WSB2: variants seen among roughly 807,000 people sequenced by gnomAD.
WSB2 encodes WD repeat and SOCS box-containing protein 2.
Under a neutral mutation model 48.8 loss-of-function variants are expected in WSB2, and 12 were observed. The ratio of observed to expected loss-of-function variants is 0.25; its 90% confidence interval spans 0.16 to 0.40. The LOEUF (loss-of-function observed/expected upper bound fraction) is 0.40. WSB2 is among the 10% of genes least tolerant of loss of function. WSB2 has a pLI of 1.00. For missense variants in WSB2, 317 were observed against 506.2 expected, an observed-to-expected ratio of 0.63 and a Z score of 3.59; for synonymous variants, 191 against 203.1, an observed-to-expected ratio of 0.94 and a Z score of 0.51.
intron 2 of WSB2, among the ~76,000 whole-genome samples, chr12:118,044,119 CA>C (rs879791083): frequency 2.7e-4 from 39 of 143,438 alleles, no homozygotes; most frequent in Middle Eastern, 3.5e-3. Context: ...AACTCTATCT[CA>C]AAAAAAAAAA....
intron 2 of WSB2, among the ~76,000 whole-genome samples, chr12:118,043,843 G>A (rs140958597): frequency 4.7e-4 from 71 of 152,134 alleles, no homozygotes; most frequent in African/African-American, 1.6e-3. Context: ...TAGGCCAGGC[G>A]TGGTGGCTCA....
At position 118,051,639 on chromosome 12, in the gene WSB2, C is replaced by T. The variant is rs12582327; in HGVS notation, c.182+671G>A. Among the ~76,000 whole-genome samples the T allele has an allele frequency of 2.6e-4, 40 of 152,168 alleles. No individual in the cohort carries two copies. The East Asian group carries it at 7.1e-3, about 27-fold the overall frequency. ...GTTGGGGGATCTAAATTAAGGGGTACAGGGTTTCTTTCTGAGGAAATAAAG... is the reference window on the plus strand; with the variant it reads ...GTTGGGGGATCTAAATTAAGGGGTATAGGGTTTCTTTCTGAGGAAATAAAG... On this transcript the variant is annotated intron_variant, in intron 2 of 8. Coordinates refer to ENST00000315436, the MANE Select transcript of WSB2 (RefSeq NM_018639.5).
At position 118,060,282 on chromosome 12, in the gene WSB2, T is replaced by G. The variant is rs75356056; in HGVS notation, c.13+754A>C. ...GGGCTGGCTTGAGGTATATCCAATA[T>G]CCTCTGACTTCCACGCTGTCTTCTG... On this transcript the variant is annotated intron_variant, in intron 1 of 8. Coordinates refer to ENST00000315436, the MANE Select transcript of WSB2 (RefSeq NM_018639.5). The surrounding 1 kb of genome is among the most constrained non-coding windows in gnomAD (Gnocchi z 4.1). 0.13 allele frequency among the ~76,000 whole-genome samples: 19,512 copies of G among 152,050 alleles called. 1,536 individuals are homozygous for G. Among genetic ancestry groups the G allele is most frequent in the South Asian group, 0.17 (823 of 4,796 alleles).
chr12:118,047,279 T>C (rs549397267), intron 2 of WSB2, among the ~76,000 whole-genome samples: 25 of 152,302 alleles, frequency 1.6e-4, no homozygotes, highest in African/African-American at 6.0e-4. Context: ...CCTGGCCTAA[T>C]GCTCAACAAA....
intron 1 of WSB2, among the ~76,000 whole-genome samples, chr12:118,053,034 G>T (rs929995948): frequency 2.6e-5 from 4 of 152,008 alleles, no homozygotes; most frequent in African/African-American, 9.7e-5. Flanking sequence ...CTCTGTCTGG[G>T]GTTAAACCTT....
intron 1 of WSB2, among the ~76,000 whole-genome samples, chr12:118,059,773 A>T (rs544350322): frequency 2.0e-5 from 3 of 152,234 alleles, no homozygotes; most frequent in Admixed American, 6.5e-5. Flanking sequence ...TTTTAAAAAG[A>T]ATTCTACGGG....
intron 2 of WSB2, among the ~76,000 whole-genome samples, chr12:118,049,462 C>A (rs957328381): frequency 6.6e-6 from 1 of 151,590 alleles, no homozygotes; most frequent in African/African-American, 2.4e-5. Flanking sequence ...AGTGCAGTGG[C>A]GCGATCTCAG....
rs996490782 is a variant in WSB2 at position 118,060,671 on chromosome 12, G to C, written c.13+365C>G. Among the ~76,000 whole-genome samples the C allele has an allele frequency of 1.5e-4, 23 of 152,138 alleles. No homozygotes were observed. Among genetic ancestry groups the C allele is most frequent in the African/African-American group, 5.5e-4 (23 of 41,546 alleles). On this transcript the variant is annotated intron_variant, in intron 1 of 8. Coordinates refer to ENST00000315436, the MANE Select transcript of WSB2 (RefSeq NM_018639.5). This position sits in a 1 kb window ranked among gnomAD's most constrained non-coding sequence, Gnocchi z 4.1. ...ATGCAAGTGCGTCCCCTGGCACCTG[G>C]GTACCCAGGGGCACCCACCCCCTTG...
chr12:118,055,867 G>A (rs928133212), intron 1 of WSB2, among the ~76,000 whole-genome samples: 1 of 150,334 alleles, frequency 6.7e-6, no homozygotes, highest in Non-Finnish European at 1.5e-5. Context: ...CGCCCACCTC[G>A]GACTCCCAAA....
chr12:118,052,582 A>G, intron 1 of WSB2, 104 bp from the exon 2 acceptor site: 1 of 1,533,052 alleles, frequency 6.5e-7, no homozygotes, highest in Non-Finnish European at 8.8e-7. Context: ...CACACTATCC[A>G]TTCCCAGAGG....
At chr12:118,055,318 G>C (rs1642682488) in intron 1 of WSB2, among the ~76,000 whole-genome samples, 1 of 152,242 alleles carries the variant, frequency 6.6e-6, no homozygotes, top group East Asian at 1.9e-4. Flanking sequence ...ACAGCGCACA[G>C]GACAGCCCCC....
At chr12:118,038,416 G>A (rs1187691814) in intron 4 of WSB2, 28 bp from the exon 5 acceptor site, 80 of 1,605,944 alleles carry the variant, frequency 5.0e-5, no homozygotes, top group Non-Finnish European at 6.6e-5. Flanking sequence ...CAAACAATGA[G>A]CCAGTCCTCA....
intron 1 of WSB2, among the ~76,000 whole-genome samples, chr12:118,053,980 T>C (rs2031902594): frequency 6.6e-6 from 1 of 152,098 alleles, no homozygotes; most frequent in Non-Finnish European, 1.5e-5. Context: ...CATAGTTAAA[T>C]AGGTAGTATT....
chr12:118,051,519 C>A (rs908941466), intron 2 of WSB2, among the ~76,000 whole-genome samples: 1 of 152,116 alleles, frequency 6.6e-6, no homozygotes, highest in Non-Finnish European at 1.5e-5. Flanking sequence ...TCAAAAAAGG[C>A]TACGTGTTGT....
intron 2 of WSB2, among the ~76,000 whole-genome samples, chr12:118,049,123 G>C (rs1026873951): frequency 6.6e-6 from 1 of 152,192 alleles, no homozygotes; most frequent in African/African-American, 2.4e-5. Context: ...TTACTTACAT[G>C]TCAAGTCTAG....
Position 118,035,236 on chromosome 12 carries a change from G to A in WSB2, c.922C>T (p.Leu308Phe). The A allele has an allele frequency of 6.2e-7, 1 of 1,614,222 alleles. No individual in the cohort carries two copies. Among genetic ancestry groups the A allele is most frequent in the Non-Finnish European group, 8.5e-7 (1 of 1,180,044 alleles). Residue 308 changes from leucine to phenylalanine, a missense_variant, in exon 7 of 9, where the codon CTT (leucine) becomes TTT (phenylalanine). By Grantham distance (22) the Leu-to-Phe change is conservative. Coordinates refer to ENST00000315436, the MANE Select transcript of WSB2 (RefSeq NM_018639.5). ...TACCTGTCATCTGCCACCGTGGCAA[G>A]GTACAAGCCTTCTGGAGAGAAGCAC... ...SVCFSPEGLY[L>F]ATVADDRLLR...
At chr12:118,050,374 C>A (rs143542122) in intron 2 of WSB2, among the ~76,000 whole-genome samples, 1 of 151,846 alleles carries the variant, frequency 6.6e-6, no homozygotes, top group South Asian at 2.1e-4. Context: ...CTTGGCCAAG[C>A]GCCATGGCTC....
At position 118,060,904 on chromosome 12, in the gene WSB2, G is replaced by C; in HGVS notation, c.13+132C>G. The C allele has an allele frequency of 2.9e-6, 1 of 339,982 alleles. No individual in the cohort carries two copies. Among genetic ancestry groups the C allele is most frequent in the African/African-American group, 2.2e-5 (1 of 44,860 alleles). 21.1% of individuals were successfully genotyped at this position (339,982 alleles called of 1,614,324 possible). A position where few individuals can be genotyped will look rare whatever the true frequency, so the allele number is the denominator to read the frequency against. On this transcript the variant is annotated intron_variant, in intron 1 of 8. Coordinates refer to ENST00000315436, the MANE Select transcript of WSB2 (RefSeq NM_018639.5). This position sits in a 1 kb window ranked among gnomAD's most constrained non-coding sequence, Gnocchi z 4.1. ...CCGCCGGCCCCGCGCGGACCTCCCA[G>C]GCCGGACGCCCCCGCCGCGTCCAGC...
rs1566135267 is a variant in WSB2 at position 118,035,329 on chromosome 12, G to A, written c.834-5C>T. The A allele has an allele frequency of 2.5e-6, 4 of 1,613,652 alleles. No individual in the cohort carries two copies. The highest frequency in any genetic ancestry group is 1.3e-5 in the African/African-American group (1 of 75,044). On this transcript the variant is annotated splice_polypyrimidine_tract_variant and splice_region_variant and intron_variant, in intron 6 of 8. Transcript: ENST00000315436. ...GCGGGGTCAACCTGGGTGTGGCTGG[G>A]AAGGAAAGAAACAGGATGGCAGGCC...
Sources: allele counts gnomAD v4.1 joint callset (sites outside exome capture counted in the v4.1 genomes callset), GRCh38; gene constraint gnomAD v4.1.1; non-coding constraint Gnocchi (gnomAD v3.1); transcripts MANE v1.5; gene names NCBI Gene and HGNC (gene_info 2026-07-23, HGNC 2026-07-21).